Variants in NTRK2 observed in about 807,000 individuals in gnomAD.
The protein encoded by NTRK2 is BDNF/NT-3 growth factors receptor.
NTRK2 carries 13 observed loss-of-function variants against 94.5 expected under a neutral mutation model. The observed-to-expected ratio is 0.14, with a 90% CI of 0.09 to 0.22. The LOEUF is 0.22. Among genes scored for constraint, NTRK2 ranks in the 10% least tolerant of loss-of-function variants. The pLI, the probability that NTRK2 is intolerant of heterozygous loss-of-function variation, is 1.00. For synonymous variants in NTRK2, 372 were observed against 407.4 expected, an observed-to-expected ratio of 0.91 and a Z score of 1.05; for missense variants, 639 against 1,071.2, an observed-to-expected ratio of 0.60 and a Z score of 5.63.
At chr9:84,967,666 C>A (rs546450824) in intron 17 of NTRK2, among the ~76,000 whole-genome samples, 1 of 152,246 alleles carries the variant, frequency 6.6e-6, no homozygotes, top group East Asian at 1.9e-4. Context: ...GGCCCACGCC[C>A]TCAGCCCTGG....
chr9:84,933,837 A>G (rs1161588659), intron 14 of NTRK2, among the ~76,000 whole-genome samples: 1 of 152,224 alleles, frequency 6.6e-6, no homozygotes, highest in East Asian at 1.9e-4. Context: ...TCTGGCTTAT[A>G]AGAAGCCTGC....
At chr9:85,012,049 C>T (rs183501495) in intron 17 of NTRK2, among the ~76,000 whole-genome samples, 2,437 of 149,896 alleles carry the variant, frequency 0.016, 56 homozygotes, top group African/African-American at 0.056. Context: ...AGTGCAGGGG[C>T]GCGATCTCGG....
intron 12 of NTRK2, among the ~76,000 whole-genome samples, chr9:84,849,517 G>C (rs1359545660): frequency 6.6e-6 from 1 of 152,162 alleles, no homozygotes; most frequent in Non-Finnish European, 1.5e-5. Flanking sequence ...ATGGTGAAAA[G>C]TTGCAATCCA....
At chr9:84,718,133 A>G (rs942123568) in intron 6 of NTRK2, among the ~76,000 whole-genome samples, 5 of 151,428 alleles carry the variant, frequency 3.3e-5, no homozygotes, top group Admixed American at 6.6e-5. Flanking sequence ...TTAGAGTTCT[A>G]TAAGACACAC....
intron 2 of NTRK2, among the ~76,000 whole-genome samples, chr9:84,690,332 A>C (rs553082736): frequency 5.9e-5 from 9 of 152,240 alleles, no homozygotes; most frequent in African/African-American, 1.7e-4. Context: ...TAGTTCCAAA[A>C]ATTTTCTTCT....
intron 17 of NTRK2, among the ~76,000 whole-genome samples, chr9:85,006,761 G>A (rs530500112): frequency 6.6e-6 from 1 of 152,262 alleles, no homozygotes; most frequent in South Asian, 2.1e-4. Flanking sequence ...ATTACCCTAT[G>A]CACAACATAT....
At chr9:84,722,606 G>A (rs2062153575) in intron 6 of NTRK2, among the ~76,000 whole-genome samples, 1 of 152,050 alleles carries the variant, frequency 6.6e-6, no homozygotes, top group African/African-American at 2.4e-5. Flanking sequence ...CCAAGAGAGG[G>A]ACAGGCTCCA....
At chr9:84,703,977 G>T (rs2060887921) in intron 4 of NTRK2, among the ~76,000 whole-genome samples, 2 of 152,024 alleles carry the variant, frequency 1.3e-5, no homozygotes. Context: ...GTTAAGTTCT[G>T]GTATTTTCAT....
chr9:84,914,652 G>A (rs59841239), intron 14 of NTRK2, among the ~76,000 whole-genome samples: 9,494 of 152,220 alleles, frequency 0.062, 883 homozygotes, highest in African/African-American at 0.2. Context: ...GGAGTATAGC[G>A]ATTCTTGTCT....
chr9:84,812,796 A>G, intron 12 of NTRK2: 1 of 1,040,446 alleles, frequency 9.6e-7, no homozygotes, highest in Non-Finnish European at 1.2e-6. Context: ...TTTGTACCCA[A>G]CAGCTAGAAG....
chr9:84,973,619 G>A (rs962173163), intron 17 of NTRK2, among the ~76,000 whole-genome samples: 1 of 152,162 alleles, frequency 6.6e-6, no homozygotes, highest in Non-Finnish European at 1.5e-5. Context: ...AATCCAAAGT[G>A]TGCTAAATAA....
chr9:84,957,552 T>C (rs1210049638), intron 17 of NTRK2, among the ~76,000 whole-genome samples: 1 of 152,104 alleles, frequency 6.6e-6, no homozygotes, highest in Non-Finnish European at 1.5e-5. Flanking sequence ...AAACTCACAA[T>C]AAGACACCAT....
chr9:84,861,154 C>T lies in NTRK2; in HGVS notation c.1444+67C>T. ...CTATGTTTTTATTCGGATGAAAATG[C>T]TTAGACCCTCTTTACATTCCACGGT... On this transcript the variant is annotated intron_variant, in intron 13 of 18. Coordinates refer to ENST00000277120, the MANE Select transcript of NTRK2 (RefSeq NM_006180.6). 3 of 1,199,766 alleles carry T rather than the reference C, an allele frequency of 2.5e-6. No individual in the cohort carries two copies. The South Asian group carries it at 3.7e-5, about 15-fold the overall frequency. The allele number at this position is 1,199,766 out of a possible 1,614,324, so 74.3% of individuals were successfully genotyped here.
intron 6 of NTRK2, among the ~76,000 whole-genome samples, chr9:84,718,118 A>G (rs2061829339): frequency 6.6e-6 from 1 of 151,126 alleles, no homozygotes; most frequent in South Asian, 2.1e-4. Context: ...TAGAATCTCA[A>G]TAAATTAGAG....
At chr9:84,671,126 G>C (rs1026328769) in intron 2 of NTRK2, among the ~76,000 whole-genome samples, 166 bp downstream of exon 2, 1 of 152,208 alleles carries the variant, frequency 6.6e-6, no homozygotes, top group Non-Finnish European at 1.5e-5. Flanking sequence ...CACTGGCTTG[G>C]GACTGCTAGT....
chr9:84,757,379 T>C (rs2132582412), intron 12 of NTRK2, among the ~76,000 whole-genome samples: 1 of 152,368 alleles, frequency 6.6e-6, no homozygotes, highest in East Asian at 1.9e-4. Context: ...CATTTTTGAT[T>C]CCATAAGGAA....
At chr9:84,709,228 C>G (rs2061286410) in intron 5 of NTRK2, among the ~76,000 whole-genome samples, 1 of 152,164 alleles carries the variant, frequency 6.6e-6, no homozygotes, top group Non-Finnish European at 1.5e-5. Flanking sequence ...GCATAGTAAG[C>G]TGGAGAAAGA....
At chr9:84,884,274 G>A (rs769037293) in intron 14 of NTRK2, among the ~76,000 whole-genome samples, 1 of 152,140 alleles carries the variant, frequency 6.6e-6, no homozygotes, top group African/African-American at 2.4e-5. Context: ...TGCTTTATTT[G>A]TATAATATAA....
At position 84,745,011 on chromosome 9, in the gene NTRK2, A is replaced by G. The variant is rs201342791; in HGVS notation, c.1234A>G (p.Asn412Asp). The G allele has an allele frequency of 6.2e-7, 1 of 1,613,808 alleles. No homozygotes were observed. The highest frequency in any genetic ancestry group is 8.5e-7 in the Non-Finnish European group (1 of 1,179,998). The change falls in exon 11 of 19, where the codon AAC (asparagine) becomes GAC (aspartate). Residue 412 changes from asparagine to aspartate, a missense_variant. Coordinates refer to ENST00000277120, the MANE Select transcript of NTRK2 (RefSeq NM_006180.6). ...AGCGAATGACATCGGGGACACCACG[A>G]ACAGAAGTAATGAAATCCCTTCCAC... is the stretch of plus-strand genomic sequence containing the variant. ...TAANDIGDTT[N>D]RSNEIPSTDV...
Sources: gnomAD v4.1 joint callset for allele counts (sites outside exome capture counted in the v4.1 genomes callset) on GRCh38, gnomAD v4.1.1 for gene constraint, MANE v1.5 for transcripts, NCBI Gene and HGNC (gene_info 2026-07-23, HGNC 2026-07-21) for gene names.